Variants in ANKRD17 observed in about 807,000 individuals in gnomAD.
ANKRD17 encodes ankyrin repeat domain 17.
ANKRD17 carries 19 observed loss-of-function variants against 229.7 expected under a neutral mutation model. The ratio of observed to expected loss-of-function variants is 0.08; its 90% CI spans 0.06 to 0.12. The LOEUF (loss-of-function observed/expected upper bound fraction) is 0.12. Ranked by LOEUF, ANKRD17 falls within the 10% of genes least tolerant of loss-of-function variation. The pLI is 1.00. For missense variants in ANKRD17, 2,176 were observed against 3,176.8 expected (o/e 0.68, Z 7.57); for synonymous variants, 1,112 against 1,146.1 (o/e 0.97, Z 0.60).
chr4:73,218,200 T>G (rs983358632), intron 1 of ANKRD17, among the ~76,000 whole-genome samples: 1 of 152,224 alleles, frequency 6.6e-6, no homozygotes, highest in African/African-American at 2.4e-5. Flanking sequence ...AATATCTGCT[T>G]ACTGAAAAAT....
chr4:73,077,055 G>C lies in ANKRD17; in HGVS notation c.7637C>G (p.Pro2546Arg). The C allele has an allele frequency of 6.2e-7, 1 of 1,612,576 alleles. No individual in the cohort carries two copies. Among genetic ancestry groups the C allele is most frequent in the African/African-American group, 1.3e-5 (1 of 74,946 alleles). Reference protein sequence around the residue: ...YGNAMIPPVAPIPDGAGGPIF... With the variant: ...YGNAMIPPVARIPDGAGGPIF... ...GGGTCCTCCAGCACCATCAGGGATA[G>C]GTGCTACTGGAGGAATCATTGCATT... Residue 2546 changes from proline to arginine, a missense_variant, in exon 33 of 34, where the codon CCT (proline) becomes CGT (arginine). By Grantham distance (103) the Pro-to-Arg change is moderately radical. Around this residue, in one of 18 missense-constraint regions of ANKRD17, gnomAD observed 159 missense variants for 214.3 expected, o/e 0.74. Coordinates refer to ENST00000358602, the MANE Select transcript of ANKRD17 (RefSeq NM_032217.5).
chr4:73,154,777 C>G (rs1391187192), intron 5 of ANKRD17, among the ~76,000 whole-genome samples: 9 of 152,112 alleles, frequency 5.9e-5, no homozygotes, highest in African/African-American at 2.2e-4. Flanking sequence ...CGCGGTGGCT[C>G]ACGCCTGTAA....
chr4:73,170,615 G>A (rs1045829167), intron 2 of ANKRD17, among the ~76,000 whole-genome samples: 1 of 151,856 alleles, frequency 6.6e-6, no homozygotes, highest in African/African-American at 2.4e-5. Context: ...TGACATTTCT[G>A]GAGCTGTCCT....
chr4:73,244,709 C>CT lies in ANKRD17; in HGVS notation c.393+13566dup, dbSNP rs564734287. On this transcript the variant is annotated intron_variant, in intron 1 of 33. Transcript: ENST00000358602. ...TTTGTTCAAATGATCCATCCTATAC[C>CT]TTAACTAATACAGTTAATTGGAAAT... Among the ~76,000 whole-genome samples, 309 of 152,210 alleles carry CT rather than the reference C, an allele frequency of 2.0e-3. 1 individual carries two copies. The highest frequency in any genetic ancestry group is 7.0e-3 in the African/African-American group (292 of 41,544).
chr4:73,139,404 T>C (rs1729331360), intron 15 of ANKRD17, 127 bp downstream of exon 15: 3 of 1,109,106 alleles, frequency 2.7e-6, no homozygotes, highest in Non-Finnish European at 3.8e-6. Context: ...AACTAATACT[T>C]CTAAAGCTAG....
At chr4:73,082,983 T>C (rs892018593) in intron 30 of ANKRD17, among the ~76,000 whole-genome samples, 1 of 152,138 alleles carries the variant, frequency 6.6e-6, no homozygotes, top group African/African-American at 2.4e-5. Flanking sequence ...AACTAAGTTA[T>C]TTAGGGGCAA....
chr4:73,216,601 AT>A (rs1251516665), intron 1 of ANKRD17, among the ~76,000 whole-genome samples: 4 of 152,240 alleles, frequency 2.6e-5, no homozygotes, highest in African/African-American at 9.6e-5. Flanking sequence ...TTTATTCCTT[AT>A]AAGCTGCTTA....
Position 73,210,104 on chromosome 4 carries a change from AAT to A in ANKRD17, c.394-32573_394-32572del, listed in dbSNP as rs1740051651. On this transcript the variant is annotated intron_variant, in intron 1 of 33. Coordinates refer to ENST00000358602, the MANE Select transcript of ANKRD17 (RefSeq NM_032217.5). ...GGCCCTACTTAAGGCAATAAGGTAG[AAT>A]ATTGAAAATAAGAGAATTAAAAGGC... 3.9e-5 allele frequency among the ~76,000 whole-genome samples: 6 copies of A among 152,286 alleles called. No homozygotes were observed. In the South Asian group the frequency reaches 1.2e-3, roughly 32 times the overall value.
At chr4:73,097,004 A>T (rs531567598) in intron 27 of ANKRD17, 113 bp downstream of exon 27, 1 of 1,251,908 alleles carries the variant, frequency 8.0e-7, no homozygotes. Context: ...TTAGCCTTGA[A>T]CCATCAGTTT....
chr4:73,120,066 T>A (rs1726516779), intron 21 of ANKRD17, 96 bp downstream of exon 21: 1 of 1,328,766 alleles, frequency 7.5e-7, no homozygotes, highest in African/African-American at 1.5e-5. Context: ...GAAGAAATAA[T>A]CACATTTGAT....
At chr4:73,258,148 G>A in intron 1 of ANKRD17, 128 bp downstream of exon 1, 1 of 1,482,596 alleles carries the variant, frequency 6.7e-7, no homozygotes, top group Non-Finnish European at 9.0e-7. Flanking sequence ...AAGAAAGGGG[G>A]CAGTCGAAAG....
chr4:73,190,625 T>C (rs1212555102), intron 1 of ANKRD17, among the ~76,000 whole-genome samples: 1 of 137,378 alleles, frequency 7.3e-6, no homozygotes, highest in Non-Finnish European at 1.6e-5. Context: ...GAAAAGGAAA[T>C]GACAAAATGC....
intron 3 of ANKRD17, among the ~76,000 whole-genome samples, chr4:73,158,336 T>A (rs1043296119): frequency 6.6e-6 from 1 of 152,204 alleles, no homozygotes; most frequent in Admixed American, 6.5e-5. Flanking sequence ...CTTTTACTTC[T>A]CTGGCTTTAT....
chr4:73,162,533 C>T (rs1436062890), intron 2 of ANKRD17, among the ~76,000 whole-genome samples: 2 of 152,028 alleles, frequency 1.3e-5, no homozygotes, highest in Non-Finnish European at 2.9e-5. Context: ...ACTGGGCTAT[C>T]ATCTGTGAAC....
chr4:73,189,917 A>C (rs1736820580), intron 1 of ANKRD17, among the ~76,000 whole-genome samples: 1 of 152,220 alleles, frequency 6.6e-6, no homozygotes, highest in African/African-American at 2.4e-5. Context: ...AAATATTAAA[A>C]ATAGAACACA....
chr4:73,214,324 A>T (rs537549717), intron 1 of ANKRD17, among the ~76,000 whole-genome samples: 1 of 152,312 alleles, frequency 6.6e-6, no homozygotes, highest in South Asian at 2.1e-4. Flanking sequence ...GACTTGTCTA[A>T]ATCTTACTTT....
At chr4:73,223,355 G>A (rs924153107) in intron 1 of ANKRD17, among the ~76,000 whole-genome samples, 14 of 152,254 alleles carry the variant, frequency 9.2e-5, no homozygotes, top group Middle Eastern at 3.4e-3. Flanking sequence ...TATTTAACAC[G>A]TCTGGCTTCC....
At chr4:73,180,128 T>C (rs1271491979) in intron 1 of ANKRD17, among the ~76,000 whole-genome samples, 1 of 151,980 alleles carries the variant, frequency 6.6e-6, no homozygotes, top group East Asian at 1.9e-4. Context: ...GTAGAAGACA[T>C]CAAAAAGCAG....
intron 1 of ANKRD17, among the ~76,000 whole-genome samples, chr4:73,183,985 GA>G (rs1204853222): frequency 6.6e-6 from 1 of 152,056 alleles, no homozygotes; most frequent in East Asian, 1.9e-4. Context: ...ATTTAATAAT[GA>G]AAACCAAGGT....
Sources: allele counts gnomAD v4.1 joint callset (sites outside exome capture counted in the v4.1 genomes callset), GRCh38; gene constraint gnomAD v4.1.1; regional missense constraint gnomAD v4.1.1; transcripts MANE v1.5; gene names NCBI Gene and HGNC (gene_info 2026-07-23, HGNC 2026-07-21).